PWP1: variants seen among roughly 807,000 people sequenced by gnomAD.
PWP1 encodes periodic tryptophan protein 1 homolog.
In PWP1, 47 loss-of-function variants were observed where a neutral mutation model predicts 69.9. The observed-to-expected ratio is 0.67, with a 90% CI of 0.53 to 0.86. The LOEUF is 0.86. PWP1 is among the 40% of genes least tolerant of loss of function. The pLI, the probability that PWP1 is intolerant of heterozygous loss-of-function variation, is 0.00. For missense variants in PWP1, 551 were observed against 608.8 expected, an observed-to-expected ratio of 0.91 and a Z score of 1.00; for synonymous variants, 222 against 208.2, an observed-to-expected ratio of 1.07 and a Z score of -0.57.
Position 107,708,873 on chromosome 12 carries a change from A to ATTG in PWP1, c.1078-50_1078-48dup, listed in dbSNP as rs1375746271. The ATTG allele has an allele frequency of 9.8e-5, 146 of 1,492,120 alleles. No individual in the cohort carries two copies. In the East Asian group the frequency reaches 3.3e-3, roughly 33 times the overall value. 92.4% of individuals were successfully genotyped at this position (1,492,120 alleles called of 1,614,324 possible). On this transcript the variant is annotated intron_variant, in intron 11 of 14. Coordinates refer to ENST00000412830, the MANE Select transcript of PWP1 (RefSeq NM_007062.3). ...TCACTATGACTTAGACTTTTTACCC[A>ATTG]TTGTTAGATTTTGTGACGTAGCATG...
chr12:107,690,858 TAAA>T (rs1017358607), intron 3 of PWP1, among the ~76,000 whole-genome samples: 1 of 151,664 alleles, frequency 6.6e-6, no homozygotes, highest in Non-Finnish European at 1.5e-5. Context: ...ATACAACATT[TAAA>T]AAAAAATCAG....
At chr12:107,689,937 T>C (rs1181333706) in intron 3 of PWP1, among the ~76,000 whole-genome samples, 1 of 152,188 alleles carries the variant, frequency 6.6e-6, no homozygotes, top group African/African-American at 2.4e-5. Context: ...TTTGTTTCTT[T>C]TGGAATGTGC....
intron 7 of PWP1, among the ~76,000 whole-genome samples, chr12:107,698,972 C>G (rs1157627946): frequency 6.6e-6 from 1 of 152,068 alleles, no homozygotes; most frequent in Non-Finnish European, 1.5e-5. Flanking sequence ...TATATAATAT[C>G]AAAACAATAG....
chr12:107,693,533 C>T (rs1397676937), intron 5 of PWP1, among the ~76,000 whole-genome samples: 1 of 151,988 alleles, frequency 6.6e-6, no homozygotes, highest in Non-Finnish European at 1.5e-5. Flanking sequence ...TCACTCCTCT[C>T]CTACTCCTGC....
At chr12:107,688,055 A>G (rs1889405794) in intron 1 of PWP1, among the ~76,000 whole-genome samples, 1 of 149,992 alleles carries the variant, frequency 6.7e-6, no homozygotes, top group Non-Finnish European at 1.5e-5. Context: ...AAAAAAAAAA[A>G]AAAAAGAACA....
rs773894671 is a variant in PWP1 at position 107,696,553 on chromosome 12, G to A, written c.582G>A (p.Leu194=). 1.1e-5 allele frequency: 17 copies of A among 1,614,112 alleles called. No individual in the cohort carries two copies. The highest frequency in any genetic ancestry group is 1.3e-5 in the Non-Finnish European group (15 of 1,180,000). Reference sequence around the variant, plus strand: ...CATATCCTCTGAGTGTGGAATGGCTGAATTTTGATCCTAGCCCAGATGATT... The same window carrying A: ...CATATCCTCTGAGTGTGGAATGGCTAAATTTTGATCCTAGCCCAGATGATT... The part of the protein sequence containing the change: ...LSAYPLSVEW[L]NFDPSPDDST... Residue 194 remains leucine, a synonymous_variant, in exon 6 of 15, where the codon CTG becomes CTA. Coordinates refer to ENST00000412830, the MANE Select transcript of PWP1 (RefSeq NM_007062.3).
intron 9 of PWP1, 55 bp from the exon 10 acceptor site, chr12:107,703,630 A>C: frequency 6.9e-7 from 1 of 1,446,410 alleles, no homozygotes; most frequent in Non-Finnish European, 9.7e-7. Context: ...ATGTTAGGTA[A>C]TTTTACGAAA....
intron 3 of PWP1, among the ~76,000 whole-genome samples, chr12:107,691,838 C>T (rs922064151): frequency 7.9e-5 from 12 of 152,222 alleles, no homozygotes; most frequent in African/African-American, 2.6e-4. Flanking sequence ...TTACTATTAA[C>T]TTCATTTTTC....
intron 10 of PWP1, 32 bp from the exon 11 acceptor site, chr12:107,704,604 T>G (rs1889775565): frequency 1.3e-6 from 2 of 1,538,116 alleles, no homozygotes; most frequent in African/African-American, 2.7e-5. Flanking sequence ...AATTGAACTC[T>G]TAAAACCCTA....
chr12:107,703,883 T>C, intron 10 of PWP1, 137 bp downstream of exon 10: 1 of 744,192 alleles, frequency 1.3e-6, no homozygotes. Context: ...TACTTATTTT[T>C]CCTTTTAACT....
rs372506141 is a variant in PWP1 at position 107,692,975 on chromosome 12, A to G, written c.406-25A>G. The G allele has an allele frequency of 4.2e-5, 68 of 1,613,470 alleles. 1 individual carries two copies. In the African/African-American group the frequency reaches 7.2e-4, roughly 17 times the overall value. ...CTTACTGGCTCTCTGCTTCTAGTCA[A>G]TGACATTTTTTTCCTCTCACTTAGG... is the stretch of plus-strand genomic sequence containing the variant. On this transcript the variant is annotated intron_variant, in intron 4 of 14. Coordinates refer to ENST00000412830, the MANE Select transcript of PWP1 (RefSeq NM_007062.3).
chr12:107,693,214 A>G, intron 5 of PWP1, 118 bp downstream of exon 5: 3 of 1,410,902 alleles, frequency 2.1e-6, no homozygotes, highest in Non-Finnish European at 2.8e-6. Context: ...AGTTGGTTAC[A>G]TAGTTAACTT....
chr12:107,697,348 T>G, intron 6 of PWP1, 119 bp from the exon 7 acceptor site: 1 of 1,014,352 alleles, frequency 9.9e-7, no homozygotes, highest in Middle Eastern at 3.2e-4. Flanking sequence ...CATATGCATA[T>G]AAGTTTGAGA....
chr12:107,696,610 A>G, intron 6 of PWP1, 26 bp downstream of exon 6: 1 of 1,612,732 alleles, frequency 6.2e-7, no homozygotes. Context: ...AAGGTTGTTC[A>G]ATGATTTCCA....
chr12:107,697,687 A>G (rs1295819034), intron 7 of PWP1, 90 bp downstream of exon 7: 4 of 1,310,822 alleles, frequency 3.1e-6, no homozygotes, highest in Admixed American at 1.8e-5. Flanking sequence ...CACTTTTTCA[A>G]TCAGGTATTC....
chr12:107,696,480 A>G lies in PWP1; in HGVS notation c.509A>G (p.Asn170Ser), dbSNP rs1226128434. 3 of 1,612,856 alleles carry G rather than the reference A, an allele frequency of 1.9e-6. No individual in the cohort carries two copies. The South Asian group carries it at 3.3e-5, about 18-fold the overall frequency. ...CTTTTCCCAATCTTTTCAGTTTATA[A>G]TCAAGAAGAAGACTCTTTTTATGTA... is the stretch of plus-strand genomic sequence containing the variant. ...DQCNLEVHVY[N>S]QEEDSFYVHH... is the part of the protein sequence containing the mutation. The change falls in exon 6 of 15, where the codon AAT becomes AGT. Residue 170 changes from asparagine to serine, a missense_variant. By Grantham distance (46) the Asn-to-Ser change is conservative (BLOSUM62 1). Transcript: ENST00000412830.
intron 11 of PWP1, among the ~76,000 whole-genome samples, chr12:107,707,728 C>T (rs888698348): frequency 6.6e-6 from 1 of 152,112 alleles, no homozygotes; most frequent in African/African-American, 2.4e-5. Context: ...GTTGAACCAG[C>T]CTTGCATCCC....
At chr12:107,706,172 G>A (rs1174722706) in intron 11 of PWP1, among the ~76,000 whole-genome samples, 20 of 152,172 alleles carry the variant, frequency 1.3e-4, no homozygotes, top group Admixed American at 1.3e-3. Context: ...TTTTTCATGT[G>A]TCTGTTGGCT....
intron 11 of PWP1, among the ~76,000 whole-genome samples, chr12:107,708,109 G>A (rs1408482678): frequency 6.6e-6 from 1 of 152,158 alleles, no homozygotes; most frequent in Non-Finnish European, 1.5e-5. Context: ...AGTTGTACTT[G>A]AATGTTGTGT....
Sources: allele counts gnomAD v4.1 joint callset (sites outside exome capture counted in the v4.1 genomes callset), GRCh38; gene constraint gnomAD v4.1.1; transcripts MANE v1.5; gene names NCBI Gene and HGNC (gene_info 2026-07-23, HGNC 2026-07-21).